FOXP2: variants seen among roughly 807,000 people sequenced by gnomAD.
FOXP2 encodes the protein forkhead box P2, also known as forkhead box protein P2.
FOXP2 carries 12 observed loss-of-function variants against 115.8 expected under a neutral mutation model. That is an observed-to-expected ratio of 0.10 (90% CI 0.07 to 0.17). The LOEUF is 0.17. Ranked by LOEUF, FOXP2 falls within the 10% of genes least tolerant of loss-of-function variation. The pLI is 1.00. For missense variants in FOXP2, 629 were observed against 843.5 expected (o/e 0.75, Z 3.15); for synonymous variants, 328 against 297.7 (o/e 1.10, Z -1.05).
At chr7:114,314,534 G>T (rs1797227455) in intron 2 of FOXP2, among the ~76,000 whole-genome samples, 1 of 152,108 alleles carries the variant, frequency 6.6e-6, no homozygotes, top group African/African-American at 2.4e-5. Context: ...CTATGATATT[G>T]TATTAATATG....
At chr7:114,217,860 G>A (rs1418358367) in intron 1 of FOXP2, among the ~76,000 whole-genome samples, 2 of 152,144 alleles carry the variant, frequency 1.3e-5, no homozygotes, top group African/African-American at 4.8e-5. Flanking sequence ...AAAGGTGATG[G>A]AGTAAACACA....
chr7:114,137,381 A>G (rs962636256), intron 1 of FOXP2, among the ~76,000 whole-genome samples: 3 of 152,106 alleles, frequency 2.0e-5, no homozygotes, highest in African/African-American at 7.2e-5. Flanking sequence ...TACATTTTTA[A>G]ATATTTGTGA....
intron 2 of FOXP2, among the ~76,000 whole-genome samples, chr7:114,336,321 A>T (rs1030771212): frequency 5.9e-5 from 9 of 151,600 alleles, no homozygotes; most frequent in Non-Finnish European, 1.3e-4. Flanking sequence ...AGGTAAACCA[A>T]TTCCAAATAT....
chr7:114,235,696 C>T (rs1449867237), intron 1 of FOXP2, among the ~76,000 whole-genome samples: 1 of 152,110 alleles, frequency 6.6e-6, no homozygotes, highest in Non-Finnish European at 1.5e-5. Flanking sequence ...TTGAGAATAG[C>T]GTTGGCAAGT....
At chr7:114,224,076 G>A (rs559550256) in intron 1 of FOXP2, among the ~76,000 whole-genome samples, 9 of 152,042 alleles carry the variant, frequency 5.9e-5, no homozygotes, top group East Asian at 5.8e-4. Context: ...TTTGGGCACC[G>A]TTTTGAATAG....
intron 2 of FOXP2, among the ~76,000 whole-genome samples, chr7:114,407,708 T>C (rs1328297345): frequency 2.6e-5 from 4 of 152,142 alleles, no homozygotes; most frequent in Admixed American, 2.6e-4. Flanking sequence ...TTTATTTCTA[T>C]GCAAATATTT....
At chr7:114,473,119 G>A (rs947366320) in intron 2 of FOXP2, among the ~76,000 whole-genome samples, 3 of 152,132 alleles carry the variant, frequency 2.0e-5, no homozygotes, top group Non-Finnish European at 4.4e-5. Context: ...AATAATACAT[G>A]TCAAGACAGG....
chr7:114,307,951 A>G (rs566856290), intron 2 of FOXP2, among the ~76,000 whole-genome samples: 1 of 152,262 alleles, frequency 6.6e-6, no homozygotes, highest in South Asian at 2.1e-4. Flanking sequence ...TAAATGGACC[A>G]TATGATTATT....
chr7:114,371,799 T>G (rs897329188), intron 2 of FOXP2, among the ~76,000 whole-genome samples: 15 of 152,168 alleles, frequency 9.9e-5, no homozygotes, highest in African/African-American at 3.6e-4. Flanking sequence ...TACATTTACC[T>G]TTTTTATGTA....
chr7:114,604,252 A>AATG (rs1411571225), intron 3 of FOXP2, among the ~76,000 whole-genome samples: 12 of 152,116 alleles, frequency 7.9e-5, no homozygotes, highest in Non-Finnish European at 1.2e-4. Context: ...CTTTTTTATG[A>AATG]GGACACGAAT....
At chr7:114,671,217 A>C (rs1807469718) in intron 16 of FOXP2, among the ~76,000 whole-genome samples, 1 of 151,936 alleles carries the variant, frequency 6.6e-6, no homozygotes, top group Admixed American at 6.6e-5. Flanking sequence ...AAGTGCTACA[A>C]GTGTGGATCA....
At chr7:114,137,989 A>C (rs1190647026) in intron 1 of FOXP2, among the ~76,000 whole-genome samples, 2 of 152,206 alleles carry the variant, frequency 1.3e-5, no homozygotes, top group African/African-American at 4.8e-5. Flanking sequence ...TGGTTATAGG[A>C]TTGGGGCAGG....
At chr7:114,189,448 C>A (rs1450762875) in intron 1 of FOXP2, among the ~76,000 whole-genome samples, 1 of 152,020 alleles carries the variant, frequency 6.6e-6, no homozygotes, top group Non-Finnish European at 1.5e-5. Flanking sequence ...GGAAATAAAT[C>A]CCATAAAGAT....
At chr7:114,371,741 T>C (rs1792015016) in intron 2 of FOXP2, among the ~76,000 whole-genome samples, 2 of 152,138 alleles carry the variant, frequency 1.3e-5, no homozygotes, top group Non-Finnish European at 2.9e-5. Context: ...GTCTGGTATA[T>C]AGTAACTACT....
At chr7:114,092,213 TTGTTAA>T (rs937050398) in intron 1 of FOXP2, among the ~76,000 whole-genome samples, 1 of 152,118 alleles carries the variant, frequency 6.6e-6, no homozygotes, top group Non-Finnish European at 1.5e-5. Context: ...GTACGTTGTG[TTGTTAA>T]TGTTGATTTA....
At chr7:114,505,649 TACA>T (rs1320019137) in intron 2 of FOXP2, among the ~76,000 whole-genome samples, 1 of 151,486 alleles carries the variant, frequency 6.6e-6, no homozygotes, top group Non-Finnish European at 1.5e-5. Context: ...ACCAACCTGT[TACA>T]ACTTCTTTTG....
At chr7:114,304,096 C>T (rs751719957) in intron 2 of FOXP2, among the ~76,000 whole-genome samples, 35 of 152,046 alleles carry the variant, frequency 2.3e-4, no homozygotes, top group Non-Finnish European at 4.3e-4. Context: ...TTTTAAAGTT[C>T]TTACTATAGG....
At chr7:114,557,074 A>G (rs1374168363) in intron 3 of FOXP2, among the ~76,000 whole-genome samples, 2 of 152,206 alleles carry the variant, frequency 1.3e-5, no homozygotes, top group East Asian at 1.9e-4. Context: ...ATTAAGCAAG[A>G]AAGACTTTTG....
chr7:114,660,105 C>A (rs1415557089), intron 13 of FOXP2, among the ~76,000 whole-genome samples: 2 of 152,142 alleles, frequency 1.3e-5, no homozygotes, highest in African/African-American at 4.8e-5. Context: ...CAGACTGAAG[C>A]TGCCACGGGA....
Sources: gnomAD v4.1 joint callset for allele counts (sites outside exome capture counted in the v4.1 genomes callset) on GRCh38, gnomAD v4.1.1 for gene constraint, MANE v1.5 for transcripts, NCBI Gene and HGNC (gene_info 2026-07-23, HGNC 2026-07-21) for gene names.